GRIK4: variants seen among roughly 807,000 people sequenced by gnomAD.
The protein encoded by GRIK4 is glutamate ionotropic receptor kainate type subunit 4.
Under a neutral mutation model 104.9 loss-of-function variants are expected in GRIK4, and 40 were observed. That is an observed-to-expected ratio of 0.38 (90% CI 0.30 to 0.50). The LOEUF is 0.50. Ranked by LOEUF, GRIK4 falls within the 20% of genes least tolerant of loss-of-function variation. The pLI is 0.93. For synonymous variants in GRIK4, 485 were observed against 524.9 expected, an observed-to-expected ratio of 0.92 and a Z score of 1.04; for missense variants, 1,047 against 1,308.1, an observed-to-expected ratio of 0.80 and a Z score of 3.08.
At chr11:120,531,738 G>T (rs1325901647) in intron 1 of GRIK4, among the ~76,000 whole-genome samples, 1 of 152,086 alleles carries the variant, frequency 6.6e-6, no homozygotes, top group Non-Finnish European at 1.5e-5. Flanking sequence ...ACCATGCCCA[G>T]CTAATTTTTG....
intron 1 of GRIK4, among the ~76,000 whole-genome samples, chr11:120,526,904 A>G (rs1947863697): frequency 6.6e-6 from 1 of 152,258 alleles, no homozygotes; most frequent in Non-Finnish European, 1.5e-5. Flanking sequence ...TCAGGTTATA[A>G]ATGGCTAAAG....
intron 14 of GRIK4, among the ~76,000 whole-genome samples, chr11:120,947,377 G>A (rs1361268026): frequency 6.7e-6 from 1 of 150,338 alleles, no homozygotes; most frequent in Non-Finnish European, 1.5e-5. Context: ...ACTCTAGCCT[G>A]GGCAACAGAG....
rs768804869 is a variant in GRIK4 at position 120,884,320 on chromosome 11, T to C, written c.1164+9077T>C. On this transcript the variant is annotated intron_variant, in intron 11 of 20. Coordinates refer to ENST00000527524, the MANE Select transcript of GRIK4 (RefSeq NM_014619.5). ...TTAGTTCTGTCATCTCACCCAGAGA[T>C]GACTATCTATGTATCTGTCTATCTT... Among the ~76,000 whole-genome samples, 27 of 152,272 alleles carry C rather than the reference T, an allele frequency of 1.8e-4. 1 individual carries two copies. The highest frequency in any genetic ancestry group is 1.6e-3 in the Admixed American group (25 of 15,294).
intron 16 of GRIK4, among the ~76,000 whole-genome samples, chr11:120,957,466 C>A (rs766293998): frequency 1.3e-5 from 2 of 152,164 alleles, no homozygotes; most frequent in African/African-American, 2.4e-5. Context: ...CAACTCTTGT[C>A]GTTCAGAGTT....
chr11:120,865,951 A>G (rs912427802), intron 9 of GRIK4, among the ~76,000 whole-genome samples: 37 of 152,222 alleles, frequency 2.4e-4, no homozygotes, highest in African/African-American at 6.0e-4. Context: ...TGCAGCTCAC[A>G]TGGCAAGAGA....
At chr11:120,800,087 C>T (rs1468265433) in intron 3 of GRIK4, among the ~76,000 whole-genome samples, 5 of 151,838 alleles carry the variant, frequency 3.3e-5, no homozygotes, top group African/African-American at 1.2e-4. Context: ...CTCACGACCT[C>T]GGGTGATTCA....
chr11:120,800,759 A>T (rs567221840), intron 3 of GRIK4, among the ~76,000 whole-genome samples: 2 of 152,334 alleles, frequency 1.3e-5, no homozygotes, highest in East Asian at 1.9e-4. Context: ...GGTTTGTGGG[A>T]TGGATTACAG....
At chr11:120,743,058 C>T (rs1252254136) in intron 3 of GRIK4, among the ~76,000 whole-genome samples, 1 of 152,012 alleles carries the variant, frequency 6.6e-6, no homozygotes, top group Non-Finnish European at 1.5e-5. Flanking sequence ...TGGTGAAACC[C>T]CGTCTGTACT....
Position 120,984,524 on chromosome 11 carries a change from T to C in GRIK4, c.2515-1380T>C, listed in dbSNP as rs571440142. 3.3e-5 allele frequency among the ~76,000 whole-genome samples: 5 copies of C among 152,284 alleles called. 1 individual carries two copies. Among genetic ancestry groups the C allele is most frequent in the Admixed American group, 2.6e-4 (4 of 15,300 alleles). On this transcript the variant is annotated intron_variant, in intron 20 of 20. Transcript: ENST00000527524. ...TGGCTCACGCCTGTAATCCTAGCAC[T>C]TTGGGAGGCCGAGGCAGGTGAATCA...
At chr11:120,768,368 A>G (rs1340105297) in intron 3 of GRIK4, among the ~76,000 whole-genome samples, 1 of 152,102 alleles carries the variant, frequency 6.6e-6, no homozygotes, top group African/African-American at 2.4e-5. Context: ...TTATTTGTAC[A>G]TAGAAATGCC....
intron 3 of GRIK4, among the ~76,000 whole-genome samples, chr11:120,772,712 G>T (rs761490045): frequency 6.6e-6 from 1 of 151,588 alleles, no homozygotes; most frequent in African/African-American, 2.4e-5. Flanking sequence ...GAGAAGGGAA[G>T]ATGAAGTTTT....
intron 6 of GRIK4, among the ~76,000 whole-genome samples, chr11:120,828,235 T>C (rs1032759398): frequency 1.3e-5 from 2 of 152,224 alleles, no homozygotes; most frequent in African/African-American, 4.8e-5. Context: ...ACTGAAATCA[T>C]TTATGCACAT....
At chr11:120,807,778 T>C (rs1490654251) in intron 4 of GRIK4, among the ~76,000 whole-genome samples, 2 of 152,252 alleles carry the variant, frequency 1.3e-5, no homozygotes, top group South Asian at 4.1e-4. Context: ...GGCTCAGCCA[T>C]GCATTGAATT....
chr11:120,811,756 T>C (rs1263556564), intron 4 of GRIK4, among the ~76,000 whole-genome samples: 2 of 152,362 alleles, frequency 1.3e-5, no homozygotes, highest in East Asian at 3.9e-4. Context: ...AAACTGTTCA[T>C]AAGTATTTTA....
chr11:120,677,051 G>A (rs1297739754), intron 3 of GRIK4, among the ~76,000 whole-genome samples: 1 of 152,214 alleles, frequency 6.6e-6, no homozygotes, highest in Non-Finnish European at 1.5e-5. Flanking sequence ...GCATCCCAGA[G>A]CACCGAAGCT....
chr11:120,681,093 C>T (rs1369535315), intron 3 of GRIK4, among the ~76,000 whole-genome samples: 1 of 152,178 alleles, frequency 6.6e-6, no homozygotes, highest in African/African-American at 2.4e-5. Context: ...CCCCATTCCT[C>T]AGTGCTCTTC....
Position 120,838,539 on chromosome 11 carries a change from T to G in GRIK4, c.744+1695T>G, listed in dbSNP as rs139700977. ...TTTGTAAGTTTGCAAGAGGAAATCATGATGAAAAGTAACTGTATAAATGAT... is the reference window on the plus strand; with the variant it reads ...TTTGTAAGTTTGCAAGAGGAAATCAGGATGAAAAGTAACTGTATAAATGAT... On this transcript the variant is annotated intron_variant, in intron 8 of 20. Transcript: ENST00000527524. Among the ~76,000 whole-genome samples, 713 of 152,294 alleles carry G rather than the reference T, an allele frequency of 4.7e-3. 4 individuals carry two copies. Among genetic ancestry groups the G allele is most frequent in the Middle Eastern group, 0.014 (4 of 294 alleles).
intron 1 of GRIK4, among the ~76,000 whole-genome samples, chr11:120,584,700 A>G (rs1412351365): frequency 6.6e-6 from 1 of 152,220 alleles, no homozygotes; most frequent in East Asian, 1.9e-4. Context: ...CAAATATCCA[A>G]ACTGTATCAG....
At chr11:120,530,731 C>T (rs1215527295) in intron 1 of GRIK4, among the ~76,000 whole-genome samples, 1 of 152,030 alleles carries the variant, frequency 6.6e-6, no homozygotes, top group Non-Finnish European at 1.5e-5. Context: ...TTCTAAGTCT[C>T]TGAAAAACCA....
Sources: allele counts gnomAD v4.1 joint callset (sites outside exome capture counted in the v4.1 genomes callset), GRCh38; gene constraint gnomAD v4.1.1; transcripts MANE v1.5; gene names NCBI Gene and HGNC (gene_info 2026-07-23, HGNC 2026-07-21).